The following ZNF44 variants were observed in gnomAD, a reference collection of about 807,000 sequenced individuals.
ZNF44 encodes the protein gonadotropin inducible transcription repressor-2.
In ZNF44, 9 loss-of-function variants were observed where a neutral mutation model predicts 11.7. The observed-to-expected ratio is 0.77, with a 90% CI of 0.46 to 1.35. The LOEUF (loss-of-function observed/expected upper bound fraction) is 1.35, where lower values mean the gene tolerates loss of function less well. Ranked by LOEUF, ZNF44 falls within the 40% of genes most tolerant of loss-of-function variation. The pLI, the probability that ZNF44 is intolerant of heterozygous loss-of-function variation, is 0.00. For missense variants in ZNF44, 696 were observed against 743.1 expected (o/e 0.94, Z 0.74); for synonymous variants, 224 against 242.7 (o/e 0.92, Z 0.72).
At chr19:12,259,312 T>C (rs1483065356) in intron 5 of ZNF44, among the ~76,000 whole-genome samples, 2 of 152,200 alleles carry the variant, frequency 1.3e-5, no homozygotes, top group Admixed American at 6.6e-5. Flanking sequence ...TCTATGATTA[T>C]CAGGATACCT....
At chr19:12,290,906 G>A (rs535347774) in intron 1 of ZNF44, 143 of 177,026 alleles carry the variant, frequency 8.1e-4, no homozygotes, top group African/African-American at 3.3e-3. Context: ...CCCCAGTCAA[G>A]GCCATTTGCT....
chr19:12,259,021 C>T (rs1208312206), intron 5 of ZNF44, among the ~76,000 whole-genome samples: 1 of 151,908 alleles, frequency 6.6e-6, no homozygotes, highest in Non-Finnish European at 1.5e-5. Flanking sequence ...ACTACAGGTG[C>T]GTGCCACTAC....
At chr19:12,264,384 A>G (rs1473413918) in intron 5 of ZNF44, among the ~76,000 whole-genome samples, 1 of 152,174 alleles carries the variant, frequency 6.6e-6, no homozygotes, top group Non-Finnish European at 1.5e-5. Context: ...AGGTGGCCTT[A>G]CCTTCTAGTC....
At chr19:12,254,474 G>A (rs563252282) in intron 5 of ZNF44, among the ~76,000 whole-genome samples, 8 of 152,032 alleles carry the variant, frequency 5.3e-5, no homozygotes, top group African/African-American at 1.9e-4. Context: ...TGGCTCACAC[G>A]TGCAATCCCA....
At chr19:12,283,993 T>C (rs922709848) in intron 1 of ZNF44, among the ~76,000 whole-genome samples, 1 of 151,946 alleles carries the variant, frequency 6.6e-6, no homozygotes, top group African/African-American at 2.4e-5. Flanking sequence ...TCTAAAAAAA[T>C]AAAAAATTTA....
intron 3 of ZNF44, among the ~76,000 whole-genome samples, chr19:12,226,939 G>A (rs556443565): frequency 1.3e-5 from 2 of 152,162 alleles, no homozygotes; most frequent in South Asian, 2.1e-4. Context: ...GGTGGCGAAC[G>A]CCTGTAATCC....
At chr19:12,235,622 A>G (rs1916356824) in intron 1 of ZNF44, among the ~76,000 whole-genome samples, 1 of 152,178 alleles carries the variant, frequency 6.6e-6, no homozygotes, top group African/African-American at 2.4e-5. Context: ...CACCACAGTC[A>G]AGTGGGAATC....
Position 12,274,027 on chromosome 19 carries a change from A to G in ZNF44, c.228T>C (p.Asp76=), listed in dbSNP as rs1295949521. The change falls in exon 4 of 4, where the codon GAT becomes GAC. Residue 76 remains aspartate, a synonymous_variant. Transcript: ENST00000355684. ...TTAAGGTTTCTCCACACTGACTACC[A>G]TCTTTACTTTTACCAAATCTCTCTA... ...DVVERFGKSK[D]GSQCGETLSQ... is the part of the protein sequence containing the mutation. 1.4e-5 allele frequency: 23 copies of G among 1,613,384 alleles called. No homozygotes were observed. The highest frequency in any genetic ancestry group is 1.7e-5 in the Admixed American group (1 of 59,992).
At chr19:12,293,345 G>A (rs1968097994) in intron 1 of ZNF44, 1 of 1,536,778 alleles carries the variant, frequency 6.5e-7, no homozygotes, top group African/African-American at 1.4e-5. Flanking sequence ...AGCATCTTAG[G>A]GTAGCCCCAG....
At chr19:12,251,555 T>C in intron 5 of ZNF44, among the ~76,000 whole-genome samples, 1 of 152,298 alleles carries the variant, frequency 6.6e-6, no homozygotes, top group Admixed American at 6.5e-5. Flanking sequence ...ATTAAGTTAC[T>C]GGGAAGTTAG....
At chr19:12,284,107 C>G (rs1414626402) in intron 1 of ZNF44, among the ~76,000 whole-genome samples, 2 of 151,960 alleles carry the variant, frequency 1.3e-5, no homozygotes, top group Non-Finnish European at 2.9e-5. Flanking sequence ...ATAAAGTATG[C>G]CTAAAACAAA....
chr19:12,269,112 A>G (rs1599521497), downstream of ZNF44, among the ~76,000 whole-genome samples: 1 of 151,946 alleles, frequency 6.6e-6, no homozygotes, highest in African/African-American at 2.4e-5. Context: ...TGGATACTCC[A>G]AAATCACTGC....
At chr19:12,243,110 C>G (rs1213524852), downstream of ZNF44, among the ~76,000 whole-genome samples, 1 of 152,152 alleles carries the variant, frequency 6.6e-6, no homozygotes, top group Non-Finnish European at 1.5e-5. Context: ...CTCAGTAATA[C>G]AAAGATCCAA....
chr19:12,281,789 T>C (rs1967485119), intron 1 of ZNF44, among the ~76,000 whole-genome samples: 1 of 152,172 alleles, frequency 6.6e-6, no homozygotes, highest in African/African-American at 2.4e-5. Context: ...TTACACAGAA[T>C]GGACCAATTC....
chr19:12,259,728 A>T (rs1917416859), intron 5 of ZNF44, among the ~76,000 whole-genome samples: 1 of 152,186 alleles, frequency 6.6e-6, no homozygotes, highest in South Asian at 2.1e-4. Context: ...AGAAGGTTTA[A>T]GAACCCCAGG....
chr19:12,253,483 C>CCCG (rs748362040), intron 5 of ZNF44, among the ~76,000 whole-genome samples: 6 of 151,950 alleles, frequency 3.9e-5, no homozygotes, highest in Non-Finnish European at 8.8e-5. Context: ...AGCCACTGTA[C>CCCG]CCGCCCAAGG....
At chr19:12,242,386 T>C (rs1266405083), upstream of ZNF44, among the ~76,000 whole-genome samples, 4 of 151,716 alleles carry the variant, frequency 2.6e-5, no homozygotes, top group African/African-American at 9.7e-5. Flanking sequence ...GGTGGGCACC[T>C]GTAGTCCTAG....
At chr19:12,283,513 T>C (rs1308348230) in intron 1 of ZNF44, among the ~76,000 whole-genome samples, 3 of 152,040 alleles carry the variant, frequency 2.0e-5, no homozygotes, top group Non-Finnish European at 4.4e-5. Flanking sequence ...GTATTTTTAG[T>C]AGAGACGGGG....
intron 1 of ZNF44, among the ~76,000 whole-genome samples, chr19:12,283,599 G>A (rs1336611235): frequency 6.6e-6 from 1 of 152,172 alleles, no homozygotes; most frequent in Non-Finnish European, 1.5e-5. Context: ...AAAGTGCTGG[G>A]ATTACAGGCA....
Sources: allele counts gnomAD v4.1 joint callset (sites outside exome capture counted in the v4.1 genomes callset), GRCh38; gene constraint gnomAD v4.1.1; transcripts MANE v1.5; gene names NCBI Gene and HGNC (gene_info 2026-07-23, HGNC 2026-07-21).